LRRC4C: variants seen among roughly 807,000 people sequenced by gnomAD.
LRRC4C encodes the protein leucine-rich repeat-containing protein 4C.
In LRRC4C, 5 loss-of-function variants were observed where a neutral mutation model predicts 33.6. The ratio of observed to expected loss-of-function variants is 0.15; its 90% CI spans 0.08 to 0.31. The LOEUF (loss-of-function observed/expected upper bound fraction) is 0.31. Among genes scored for constraint, LRRC4C ranks in the 10% least tolerant of loss-of-function variants. The pLI, the probability that LRRC4C is intolerant of heterozygous loss-of-function variation, is 1.00. For missense variants in LRRC4C, 560 were observed against 796.7 expected (o/e 0.70, Z 3.58); for synonymous variants, 329 against 302.0 (o/e 1.09, Z -0.93).
rs542072356 is a variant in LRRC4C, at chr11:40,376,360, G to A, written c.-269-56639C>T. ...TGTCTTATAGATCTGATTCCCTGGT[G>A]CTTTTATATAGAAACACAGAAAAGA... On this transcript the variant is annotated intron_variant, in intron 3 of 6. Coordinates refer to ENST00000528697, the MANE Select transcript of LRRC4C (RefSeq NM_001258419.2). 5.3e-5 allele frequency among the ~76,000 whole-genome samples: 8 copies of A among 152,256 alleles called. No individual in the cohort carries two copies. In the East Asian group the frequency reaches 1.5e-3, roughly 29 times the overall value.
intron 4 of LRRC4C, among the ~76,000 whole-genome samples, chr11:40,261,889 C>A (rs1941869468): frequency 1.3e-5 from 2 of 152,110 alleles, no homozygotes; most frequent in African/African-American, 2.4e-5. Context: ...AGAAGAAAAC[C>A]TAGGCAATAC....
chr11:41,227,401 T>C (rs553816530), intron 1 of LRRC4C, among the ~76,000 whole-genome samples: 1 of 152,298 alleles, frequency 6.6e-6, no homozygotes, highest in African/African-American at 2.4e-5. Flanking sequence ...TTTTTTAACA[T>C]GTTATTATGA....
chr11:40,829,296 C>A (rs1035821849), intron 2 of LRRC4C, among the ~76,000 whole-genome samples: 3 of 151,964 alleles, frequency 2.0e-5, no homozygotes, highest in African/African-American at 4.8e-5. Flanking sequence ...CAAGTCCTAC[C>A]AATATTGAAA....
At chr11:40,418,692 G>A (rs1026599666) in intron 3 of LRRC4C, among the ~76,000 whole-genome samples, 4 of 152,098 alleles carry the variant, frequency 2.6e-5, no homozygotes, top group Non-Finnish European at 5.9e-5. Context: ...TCACAATAGC[G>A]AAGGCACGGA....
At chr11:40,644,930 C>A (rs1205455929) in intron 3 of LRRC4C, among the ~76,000 whole-genome samples, 1 of 149,346 alleles carries the variant, frequency 6.7e-6, no homozygotes, top group Non-Finnish European at 1.5e-5. Flanking sequence ...GGGGAACAGG[C>A]ACTCGGGATC....
intron 2 of LRRC4C, among the ~76,000 whole-genome samples, chr11:40,836,462 A>T (rs1444167647): frequency 6.6e-6 from 1 of 152,184 alleles, no homozygotes; most frequent in Non-Finnish European, 1.5e-5. Flanking sequence ...AAAGTTATAG[A>T]ATTGATCTTA....
At position 40,177,755 on chromosome 11, in the gene LRRC4C, T is replaced by C. The variant is rs79153077; in HGVS notation, c.-95-36902A>G. On this transcript the variant is annotated intron_variant, in intron 5 of 6. Coordinates refer to ENST00000528697, the MANE Select transcript of LRRC4C (RefSeq NM_001258419.2). Reference sequence around the variant, plus strand: ...ATACAGCACTTGTCTCATTGAACCATATTTTATAATTTCCTTGCATTTTCT... The same window carrying C: ...ATACAGCACTTGTCTCATTGAACCACATTTTATAATTTCCTTGCATTTTCT... Among the ~76,000 whole-genome samples the C allele has an allele frequency of 7.1e-3, 1,081 of 152,350 alleles. 16 individuals carry two copies. The highest frequency in any genetic ancestry group is 0.025 in the African/African-American group (1,022 of 41,580).
In LRRC4C at chr11:41,163,345, G is replaced by A. The variant is rs151235069; in HGVS notation, c.-495-229622C>T. Among the ~76,000 whole-genome samples the A allele has an allele frequency of 2.9e-3, 376 of 128,560 alleles. 2 individuals carry two copies. Among genetic ancestry groups the A allele is most frequent in the African/African-American group, 0.01 (350 of 33,698 alleles). 84.3% of individuals were successfully genotyped at this position (128,560 alleles called of 152,430 possible). A position where few individuals can be genotyped will look rare whatever the true frequency, so the allele number is the denominator to read the frequency against. On this transcript the variant is annotated intron_variant, in intron 1 of 6. Coordinates refer to ENST00000528697, the MANE Select transcript of LRRC4C (RefSeq NM_001258419.2). ...GTCACCCAGGCTGGAGTGCAGTGGCGCAATCTCTGCTCACTGCAGCCACTT... is the reference window on the plus strand; with the variant it reads ...GTCACCCAGGCTGGAGTGCAGTGGCACAATCTCTGCTCACTGCAGCCACTT...
At chr11:40,458,519 T>C (rs1487974700) in intron 3 of LRRC4C, among the ~76,000 whole-genome samples, 1 of 152,212 alleles carries the variant, frequency 6.6e-6, no homozygotes, top group Non-Finnish European at 1.5e-5. Context: ...CACCATTTCT[T>C]CTTTTTCTTC....
At chr11:41,233,886 A>G (rs1947908738) in intron 1 of LRRC4C, among the ~76,000 whole-genome samples, 1 of 151,912 alleles carries the variant, frequency 6.6e-6, no homozygotes, top group African/African-American at 2.4e-5. Context: ...TAGTTCTTAG[A>G]TTAAGGGGGC....
chr11:40,256,324 C>G (rs1487486558), intron 4 of LRRC4C, among the ~76,000 whole-genome samples: 1 of 152,118 alleles, frequency 6.6e-6, no homozygotes, highest in Admixed American at 6.5e-5. Context: ...CTCAGAGTCT[C>G]CATTTTCTAC....
rs573636305 is a variant in LRRC4C, at chr11:40,590,749, AG to A, written c.-270+57392del. ...GGAGTACCCTGCCATGTGAGGTGTC[AG>A]TGTGCCCCTGCTGGGGGGTGCCTCC... On this transcript the variant is annotated intron_variant, in intron 3 of 6. Transcript: ENST00000528697. 3.9e-5 allele frequency among the ~76,000 whole-genome samples: 6 copies of A among 152,288 alleles called. No individual in the cohort carries two copies. The South Asian group carries it at 1.2e-3, about 32-fold the overall frequency.
chr11:41,298,872 T>C (rs1950212815), intron 1 of LRRC4C, among the ~76,000 whole-genome samples: 1 of 151,814 alleles, frequency 6.6e-6, no homozygotes, highest in South Asian at 2.1e-4. Flanking sequence ...TCAGCTATCA[T>C]TTATAAGTGA....
chr11:40,981,013 C>T (rs979323317), intron 1 of LRRC4C, among the ~76,000 whole-genome samples: 1 of 152,138 alleles, frequency 6.6e-6, no homozygotes, highest in African/African-American at 2.4e-5. Context: ...CTTCATTTCT[C>T]ATCTGAGGAA....
At chr11:41,267,229 C>T (rs1949179529) in intron 1 of LRRC4C, among the ~76,000 whole-genome samples, 2 of 152,108 alleles carry the variant, frequency 1.3e-5, no homozygotes, top group Admixed American at 1.3e-4. Context: ...TCTCTGCTAT[C>T]CTTTTGAATC....
intron 3 of LRRC4C, among the ~76,000 whole-genome samples, chr11:40,548,137 GAA>G (rs199517275): frequency 6.6e-6 from 1 of 151,796 alleles, no homozygotes; most frequent in African/African-American, 2.4e-5. Context: ...GGAGTGGCCA[GAA>G]AAAAAATCAC....
At chr11:40,702,023 A>G (rs1298257684) in intron 2 of LRRC4C, among the ~76,000 whole-genome samples, 1 of 151,802 alleles carries the variant, frequency 6.6e-6, no homozygotes, top group Non-Finnish European at 1.5e-5. Context: ...TTTTAAAAAA[A>G]TTTATTCCAT....
chr11:40,324,052 G>A (rs974876391), intron 3 of LRRC4C, among the ~76,000 whole-genome samples: 2 of 152,152 alleles, frequency 1.3e-5, no homozygotes, highest in African/African-American at 2.4e-5. Flanking sequence ...AGTGTGAGAG[G>A]TGGCAAGTAT....
chr11:41,366,459 T>C (rs982072063), intron 1 of LRRC4C, among the ~76,000 whole-genome samples: 1 of 152,164 alleles, frequency 6.6e-6, no homozygotes. Flanking sequence ...ATTTGAAACA[T>C]CTTTAATACA....
Sources: gnomAD v4.1 joint callset for allele counts (sites outside exome capture counted in the v4.1 genomes callset) on GRCh38, gnomAD v4.1.1 for gene constraint, MANE v1.5 for transcripts, NCBI Gene and HGNC (gene_info 2026-07-23, HGNC 2026-07-21) for gene names.